Variants in PCLO observed in about 807,000 individuals in gnomAD.
PCLO encodes protein piccolo.
In PCLO, 82 loss-of-function variants were observed where a neutral mutation model predicts 427.5. The observed-to-expected ratio is 0.19, with a 90% CI of 0.16 to 0.23. PCLO has a LOEUF of 0.23. Among genes scored for constraint, PCLO ranks in the 10% least tolerant of loss-of-function variants. The probability of loss-of-function intolerance (pLI) is 1.00; values close to 1 mark genes in which losing one functional copy is unlikely to be tolerated. For synonymous variants in PCLO, 2,357 were observed against 2,155.4 expected (o/e 1.09, Z -2.59); for missense variants, 6,239 against 6,115.9 (o/e 1.02, Z -0.67).
chr7:83,029,996 G>C (rs1256205535), intron 3 of PCLO, among the ~76,000 whole-genome samples: 5 of 145,574 alleles, frequency 3.4e-5, no homozygotes, highest in South Asian at 2.3e-4. Context: ...AGCATTGGGA[G>C]ATATACCTAA....
chr7:82,949,988 T>C lies in PCLO; in HGVS notation c.10600A>G (p.Ile3534Val). 3.7e-6 allele frequency: 6 copies of C among 1,613,558 alleles called. No homozygotes were observed. The highest frequency in any genetic ancestry group is 4.2e-6 in the Non-Finnish European group (5 of 1,179,812). Residue 3534 changes from isoleucine to valine, a missense_variant, in exon 6 of 25, where the codon ATA (isoleucine) becomes GTA (valine). Ile to Val is a conservative substitution (Grantham distance 29). This residue lies in a region of PCLO where 4,677 missense variants were observed against 4,468.4 expected (regional missense o/e 1.05). Coordinates refer to ENST00000333891, the MANE Select transcript of PCLO (RefSeq NM_033026.6). ...ISVQTEPVGT[I>V]RTPSIRARVD... ...CGTGCCCGTATGGAGGGTGTTCTTA[T>C]GGTTCCAACTGGTTCAGTTTGCACA... is the stretch of plus-strand genomic sequence containing the variant.
chr7:83,013,567 C>T lies in PCLO; in HGVS notation c.3301-47080G>A, dbSNP rs17157032. On this transcript the variant is annotated intron_variant, in intron 3 of 24. Coordinates refer to ENST00000333891, the MANE Select transcript of PCLO (RefSeq NM_033026.6). ...GATGCTTCCCAGAGCTGGAGCTGAA[C>T]GCTTGATGACAGAGATGCCAATCTA... 7.5e-3 allele frequency among the ~76,000 whole-genome samples: 1,145 copies of T among 152,256 alleles called. 6 individuals carry two copies. Among genetic ancestry groups the T allele is most frequent in the Admixed American group, 0.014 (216 of 15,270 alleles).
chr7:82,932,445 T>A (rs1373037742), intron 6 of PCLO, among the ~76,000 whole-genome samples: 1 of 152,120 alleles, frequency 6.6e-6, no homozygotes, highest in African/African-American at 2.4e-5. Context: ...TAGGATGGAC[T>A]TGAAGGACAA....
chr7:82,844,521 T>C (rs1792450004), intron 13 of PCLO, among the ~76,000 whole-genome samples: 1 of 152,136 alleles, frequency 6.6e-6, no homozygotes, highest in Non-Finnish European at 1.5e-5. Context: ...CCTAAGCATA[T>C]ACAGCCTGTC....
At chr7:83,021,570 GTC>G (rs1216167066) in intron 3 of PCLO, among the ~76,000 whole-genome samples, 3 of 152,098 alleles carry the variant, frequency 2.0e-5, no homozygotes, top group Admixed American at 6.6e-5. Context: ...AATAGACATT[GTC>G]TCTCTCCTTC....
rs1395123781 is a variant in PCLO at position 82,952,535 on chromosome 7, GTAA to G, written c.8415_8417del (p.Tyr2806del). 2.5e-6 allele frequency: 4 copies of G among 1,613,942 alleles called. No individual in the cohort carries two copies. Among genetic ancestry groups the G allele is most frequent in the Non-Finnish European group, 3.4e-6 (4 of 1,179,860 alleles). ...CCACTAGGCTTTCTGTGCCTGTAGT[GTAA>G]CTTGCACTAGCTGTGCATGTGACAA... On this transcript the variant is annotated inframe_deletion, in exon 5 of 25. Coordinates refer to ENST00000333891, the MANE Select transcript of PCLO (RefSeq NM_033026.6).
Position 83,162,607 on chromosome 7 carries a change from C to T in PCLO, c.-15G>A, listed in dbSNP as rs533700654. ...TCGTTGCCCATGGCTCAGGGAGACT[C>T]GGGGCCGCCGCGCTCCCTCCTCGCG... On this transcript the variant is annotated 5_prime_UTR_variant, in exon 1 of 25. Coordinates refer to ENST00000333891, the MANE Select transcript of PCLO (RefSeq NM_033026.6). 45 of 1,521,940 alleles carry T rather than the reference C, an allele frequency of 3.0e-5. No homozygotes were observed. Among genetic ancestry groups the T allele is most frequent in the Middle Eastern group, 4.2e-4 (2 of 4,728 alleles). The allele number at this position is 1,521,940 out of a possible 1,614,324, so 94.3% of individuals were successfully genotyped here.
At chr7:82,849,145 C>T (rs1344275214) in intron 10 of PCLO, among the ~76,000 whole-genome samples, 2 of 152,074 alleles carry the variant, frequency 1.3e-5, no homozygotes, top group Non-Finnish European at 2.9e-5. Flanking sequence ...AAGGAATAGT[C>T]ACATATTTTC....
chr7:83,087,943 G>C (rs10269503), intron 3 of PCLO, among the ~76,000 whole-genome samples: 1 of 152,002 alleles, frequency 6.6e-6, no homozygotes, highest in Non-Finnish European at 1.5e-5. Flanking sequence ...ATAAATTGCC[G>C]AATTGATTTA....
chr7:83,133,747 T>G (rs1791633832), intron 3 of PCLO, among the ~76,000 whole-genome samples: 1 of 152,062 alleles, frequency 6.6e-6, no homozygotes, highest in Non-Finnish European at 1.5e-5. Context: ...TAACAGTTTT[T>G]AACTGTTCTT....
intron 3 of PCLO, among the ~76,000 whole-genome samples, chr7:83,117,166 C>T (rs937673550): frequency 2.0e-5 from 3 of 152,108 alleles, no homozygotes; most frequent in Admixed American, 1.3e-4. Context: ...TAGCCCAAAC[C>T]TTAGGCATAT....
At chr7:82,911,704 C>T (rs1794325911) in intron 7 of PCLO, among the ~76,000 whole-genome samples, 1 of 152,026 alleles carries the variant, frequency 6.6e-6, no homozygotes, top group South Asian at 2.1e-4. Context: ...CTCACTGCAA[C>T]CTCCACCTTC....
chr7:82,965,826 G>A lies in PCLO; in HGVS notation c.3962C>T (p.Pro1321Leu), dbSNP rs570973421. Reference sequence around the variant, plus strand: ...AGGTTTTGCTGTGCATGGTGGCTGTGGCTGTTCTTTTATTGTTTTGGTTGT... The same window carrying A: ...AGGTTTTGCTGTGCATGGTGGCTGTAGCTGTTCTTTTATTGTTTTGGTTGT... ...DKTTKTIKEQ[P>L]QPPCTAKPDQ... is the part of the protein sequence containing the mutation. Residue 1321 changes from proline to leucine, a missense_variant, in exon 4 of 25, where the codon CCA becomes CTA. By Grantham distance (98) the Pro-to-Leu change is moderately conservative. Coordinates refer to ENST00000333891, the MANE Select transcript of PCLO (RefSeq NM_033026.6). The A allele has an allele frequency of 7.4e-6, 12 of 1,613,838 alleles. No homozygotes were observed. The South Asian group carries it at 1.2e-4, about 16-fold the overall frequency.
intron 20 of PCLO, among the ~76,000 whole-genome samples, chr7:82,814,258 A>G (rs908539121): frequency 6.6e-6 from 1 of 151,626 alleles, no homozygotes; most frequent in Non-Finnish European, 1.5e-5. Context: ...AATCTTAATA[A>G]TTATAAATTA....
chr7:83,098,752 G>A (rs866846395), intron 3 of PCLO, among the ~76,000 whole-genome samples: 1 of 152,036 alleles, frequency 6.6e-6, no homozygotes, highest in East Asian at 1.9e-4. Context: ...TACTCAAGGG[G>A]AAACCTCTCA....
chr7:83,149,171 T>C (rs1584088838), intron 2 of PCLO, among the ~76,000 whole-genome samples: 1 of 152,176 alleles, frequency 6.6e-6, no homozygotes, highest in South Asian at 2.1e-4. Context: ...GTCTTCCCAG[T>C]GAAGATTAAG....
intron 9 of PCLO, among the ~76,000 whole-genome samples, chr7:82,886,982 T>C (rs746877825): frequency 5.3e-5 from 8 of 152,184 alleles, no homozygotes; most frequent in Non-Finnish European, 1.2e-4. Context: ...GTGCCAATAT[T>C]ATTTTATGTT....
At chr7:83,060,360 C>T (rs1384628307) in intron 3 of PCLO, among the ~76,000 whole-genome samples, 1 of 152,134 alleles carries the variant, frequency 6.6e-6, no homozygotes, top group African/African-American at 2.4e-5. Flanking sequence ...TAATTGCCAG[C>T]TGCTCTGCCA....
At chr7:83,144,778 A>C (rs879504587) in intron 2 of PCLO, among the ~76,000 whole-genome samples, 11 of 142,864 alleles carry the variant, frequency 7.7e-5, no homozygotes, top group Non-Finnish European at 1.4e-4. Flanking sequence ...AATAAATTTA[A>C]AAAGATCTAC....
Sources: gnomAD v4.1 joint callset for allele counts (sites outside exome capture counted in the v4.1 genomes callset) on GRCh38, gnomAD v4.1.1 for gene constraint, gnomAD v4.1.1 regional missense constraint, MANE v1.5 for transcripts, NCBI Gene and HGNC (gene_info 2026-07-23, HGNC 2026-07-21) for gene names.